BNC2: variants seen among roughly 807,000 people sequenced by gnomAD.
BNC2 encodes the protein zinc finger protein basonuclin-2.
Under a neutral mutation model 76.3 loss-of-function variants are expected in BNC2, and 20 were observed. The observed-to-expected ratio is 0.26, with a 90% CI of 0.18 to 0.38. BNC2 has a LOEUF of 0.38. BNC2 is among the 10% of genes least tolerant of loss of function. The pLI is 1.00. For missense variants in BNC2, 1,382 were observed against 1,399.8 expected (o/e 0.99, Z 0.20); for synonymous variants, 582 against 514.8 (o/e 1.13, Z -1.77).
intron 3 of BNC2, among the ~76,000 whole-genome samples, chr9:16,677,027 C>T (rs1822663499): frequency 6.6e-6 from 1 of 152,118 alleles, no homozygotes; most frequent in African/African-American, 2.4e-5. Context: ...AATTATAAAA[C>T]TGTTTTTAGG....
chr9:16,820,427 A>C (rs76960723), intron 1 of BNC2, among the ~76,000 whole-genome samples: 6 of 145,112 alleles, frequency 4.1e-5, no homozygotes, highest in African/African-American at 7.5e-5. Context: ...ATTTCGTTCC[A>C]AAAAAAAAAA....
Position 16,806,600 on chromosome 9 carries a change from G to A in BNC2, c.3+64046C>T, listed in dbSNP as rs555483234. On this transcript the variant is annotated intron_variant, in intron 1 of 6. Coordinates refer to ENST00000380672, the MANE Select transcript of BNC2 (RefSeq NM_017637.6). ...GCAAAGTTGTATATGTTTGTCTGAA[G>A]GGGTGTTGGAGAAATCAGAGAAAGA... 1.1e-4 allele frequency among the ~76,000 whole-genome samples: 16 copies of A among 152,276 alleles called. No homozygotes were observed. In the South Asian group the frequency reaches 3.3e-3, roughly 32 times the overall value.
chr9:16,831,291 G>C (rs114911705), intron 1 of BNC2, among the ~76,000 whole-genome samples: 2,082 of 152,280 alleles, frequency 0.014, 48 homozygotes, highest in African/African-American at 0.047. Flanking sequence ...GTGCACATTT[G>C]CACAATGAAG....
intron 5 of BNC2, among the ~76,000 whole-genome samples, chr9:16,471,357 G>C (rs1430823901): frequency 6.7e-6 from 1 of 149,188 alleles, no homozygotes; most frequent in South Asian, 2.1e-4. Flanking sequence ...GCAGTGGCAC[G>C]ATCTTGGCTC....
chr9:16,662,117 C>A lies in BNC2; in HGVS notation c.330+65680G>T, dbSNP rs909494822. On this transcript the variant is annotated intron_variant, in intron 3 of 6. Transcript: ENST00000380672. ...GGAAATTTCTACTCAAGCTGTTAAA[C>A]TCCCAATATTTCTCCTTCAGAGGGG... 5.3e-5 allele frequency among the ~76,000 whole-genome samples: 8 copies of A among 152,234 alleles called. No homozygotes were observed. In the South Asian group the frequency reaches 6.2e-4, roughly 12 times the overall value.
chr9:16,862,302 A>T (rs1819430212), intron 1 of BNC2, among the ~76,000 whole-genome samples: 1 of 152,232 alleles, frequency 6.6e-6, no homozygotes, highest in East Asian at 1.9e-4. Context: ...GTACATCCAT[A>T]AAATGGAATA....
chr9:16,481,203 G>A (rs1453913587), intron 5 of BNC2, among the ~76,000 whole-genome samples: 2 of 152,012 alleles, frequency 1.3e-5, no homozygotes, highest in African/African-American at 4.8e-5. Context: ...GATTGTAAAC[G>A]CACCAATCAG....
chr9:16,672,263 C>T (rs1822499305), intron 3 of BNC2, among the ~76,000 whole-genome samples: 2 of 152,090 alleles, frequency 1.3e-5, no homozygotes, highest in Non-Finnish European at 1.5e-5. Context: ...TTTGGGAGGC[C>T]GAGGCGGGCG....
chr9:16,870,596 T>C, intron 1 of BNC2, 50 bp downstream of exon 1: 2 of 1,604,230 alleles, frequency 1.2e-6, no homozygotes, highest in South Asian at 2.2e-5. Flanking sequence ...GCGGGGGTCA[T>C]TTCTGAGGAA....
chr9:16,805,321 TA>T (rs1817880101), intron 1 of BNC2, among the ~76,000 whole-genome samples: 1 of 150,950 alleles, frequency 6.6e-6, no homozygotes, highest in African/African-American at 2.4e-5. Flanking sequence ...GGAAATTCAT[TA>T]TTTTTTTGTT....
chr9:16,724,895 A>C (rs1050487748), intron 3 of BNC2, among the ~76,000 whole-genome samples: 1 of 152,148 alleles, frequency 6.6e-6, no homozygotes, highest in East Asian at 1.9e-4. Flanking sequence ...CCTACTAGTC[A>C]GAGTTTTCAA....
At chr9:16,844,800 T>C (rs2136114557) in intron 1 of BNC2, among the ~76,000 whole-genome samples, 1 of 152,318 alleles carries the variant, frequency 6.6e-6, no homozygotes, top group South Asian at 2.1e-4. Flanking sequence ...CAGCCATTTT[T>C]CATTTTTTTA....
At chr9:16,757,222 A>T (rs1825411866) in intron 1 of BNC2, among the ~76,000 whole-genome samples, 1 of 152,222 alleles carries the variant, frequency 6.6e-6, no homozygotes, top group Non-Finnish European at 1.5e-5. Flanking sequence ...AGCAGCTTAA[A>T]AGCTATTTAA....
intron 1 of BNC2, among the ~76,000 whole-genome samples, chr9:16,805,196 A>G (rs1051944785): frequency 5.9e-5 from 9 of 152,212 alleles, no homozygotes; most frequent in African/African-American, 2.2e-4. Flanking sequence ...AACACATGCC[A>G]TCTTTAGAAT....
At chr9:16,804,047 T>A (rs1324262407) in intron 1 of BNC2, among the ~76,000 whole-genome samples, 2 of 152,250 alleles carry the variant, frequency 1.3e-5, no homozygotes, top group Admixed American at 1.3e-4. Context: ...GAAATACTTT[T>A]AACTCTTTCA....
intron 3 of BNC2, among the ~76,000 whole-genome samples, chr9:16,654,090 G>A (rs1563881843): frequency 6.6e-6 from 1 of 152,176 alleles, no homozygotes; most frequent in Non-Finnish European, 1.5e-5. Context: ...GGATCAGAGG[G>A]ACAAAGTGCA....
intron 3 of BNC2, among the ~76,000 whole-genome samples, chr9:16,711,954 G>A (rs1488520230): frequency 6.6e-6 from 1 of 152,194 alleles, no homozygotes; most frequent in South Asian, 2.1e-4. Context: ...GGATAGAAGA[G>A]CATGTGGCAA....
intron 3 of BNC2, among the ~76,000 whole-genome samples, chr9:16,700,667 T>C (rs1016137972): frequency 2.0e-4 from 31 of 152,168 alleles, no homozygotes; most frequent in African/African-American, 7.0e-4. Context: ...TTTAAAATTA[T>C]ACTGATTAGC....
chr9:16,722,394 T>C (rs775666964), intron 3 of BNC2, among the ~76,000 whole-genome samples: 4 of 152,240 alleles, frequency 2.6e-5, no homozygotes, highest in African/African-American at 4.8e-5. Context: ...GTCACTGCAT[T>C]AATCAGATTT....
Sources: allele counts gnomAD v4.1 joint callset (sites outside exome capture counted in the v4.1 genomes callset), GRCh38; gene constraint gnomAD v4.1.1; transcripts MANE v1.5; gene names NCBI Gene and HGNC (gene_info 2026-07-23, HGNC 2026-07-21).